Variants in PIEZO2 observed in about 807,000 individuals in gnomAD.
The protein encoded by PIEZO2 is piezo type mechanosensitive ion channel component 2, also known as piezo-type mechanosensitive ion channel component 2.
PIEZO2 carries 172 observed loss-of-function variants against 337.3 expected under a neutral mutation model. That is an observed-to-expected ratio of 0.51 (90% CI 0.45 to 0.58). PIEZO2 has a LOEUF of 0.58. Among genes scored for constraint, PIEZO2 ranks in the 20% least tolerant of loss-of-function variants. PIEZO2 has a pLI of 0.00. For synonymous variants in PIEZO2, 1,251 were observed against 1,228.5 expected, an observed-to-expected ratio of 1.02 and a Z score of -0.38; for missense variants, 3,028 against 3,391.3, an observed-to-expected ratio of 0.89 and a Z score of 2.66.
At position 11,048,732 on chromosome 18, in the gene PIEZO2, A is replaced by G. The variant is rs980763434; in HGVS notation, c.160+17395T>C. On this transcript the variant is annotated intron_variant, in intron 2 of 55. Coordinates refer to ENST00000674853, the MANE Select transcript of PIEZO2 (RefSeq NM_001378183.1). This position sits in a 1 kb window ranked among gnomAD's most constrained non-coding sequence, Gnocchi z 4.5. ...TTCTTAATTTCCTTATCTGTAAAAC[A>G]TAAATAATACTATACCTGTCTCATG... Among the ~76,000 whole-genome samples the G allele has an allele frequency of 2.6e-5, 4 of 152,234 alleles. No individual in the cohort carries two copies. Among genetic ancestry groups the G allele is most frequent in the Non-Finnish European group, 5.9e-5 (4 of 68,040 alleles).
rs2040732566 is a variant in PIEZO2, at chr18:10,828,124, T to TTA, written c.918-20851_918-20850insTA. Among the ~76,000 whole-genome samples, 2 of 137,286 alleles carry TTA rather than the reference T, an allele frequency of 1.5e-5. No individual in the cohort carries two copies. Among genetic ancestry groups the TTA allele is most frequent in the Non-Finnish European group, 3.0e-5 (2 of 66,068 alleles). 90.1% of individuals were successfully genotyped at this position (137,286 alleles called of 152,430 possible). On this transcript the variant is annotated intron_variant, in intron 7 of 55. Coordinates refer to ENST00000674853, the MANE Select transcript of PIEZO2 (RefSeq NM_001378183.1). This position sits in a 1 kb window ranked among gnomAD's most constrained non-coding sequence, Gnocchi z 4.1. ...CTCGAAATAGCATGACGGTTTTTTT[T>TTA]TGTTTGTTTGTTTTTGTTTTTTTTT...
At position 11,001,824 on chromosome 18, in the gene PIEZO2, G is replaced by C. The variant is rs953464164; in HGVS notation, c.161-22164C>G. On this transcript the variant is annotated intron_variant, in intron 2 of 55. Transcript: ENST00000674853. This position sits in a 1 kb window ranked among gnomAD's most constrained non-coding sequence, Gnocchi z 5.3. ...ACCCAGGAGGCAGAGGTTGCAGTGA[G>C]CTCAGATTGCACCACTGTACTCCAG... Among the ~76,000 whole-genome samples, 1 of 151,834 alleles carries C rather than the reference G, an allele frequency of 6.6e-6. No homozygotes were observed. Among genetic ancestry groups the C allele is most frequent in the African/African-American group, 2.4e-5 (1 of 41,298 alleles).
At chr18:11,024,551 AAAAAAAAAAAAAG>A (rs2036458292) in intron 2 of PIEZO2, among the ~76,000 whole-genome samples, 2 of 150,366 alleles carry the variant, frequency 1.3e-5, no homozygotes, top group South Asian at 4.3e-4. Context: ...GTCTCAGAAA[AAAAAAAAAAAAAG>A]AAAAAAGAAA....
At chr18:10,690,108 TAC>T (rs1295281981) in intron 48 of PIEZO2, among the ~76,000 whole-genome samples, 125 of 152,122 alleles carry the variant, frequency 8.2e-4, no homozygotes, top group East Asian at 2.9e-3. Flanking sequence ...TTGTTCATGT[TAC>T]GAGACCCTTG....
At chr18:10,755,954 AGAG>A (rs1278709627) in intron 27 of PIEZO2, among the ~76,000 whole-genome samples, 1 of 136,958 alleles carries the variant, frequency 7.3e-6, no homozygotes, top group Non-Finnish European at 1.6e-5. Context: ...TGGAGGATGA[AGAG>A]GAGAGCTAGG....
At chr18:10,742,854 T>C (rs2037281157) in intron 31 of PIEZO2, among the ~76,000 whole-genome samples, 1 of 151,954 alleles carries the variant, frequency 6.6e-6, no homozygotes, top group Non-Finnish European at 1.5e-5. Flanking sequence ...TGGCACTGCA[T>C]AGATGCCAGT....
At chr18:10,693,523 C>T (rs545800987) in intron 47 of PIEZO2, among the ~76,000 whole-genome samples, 1 of 144,110 alleles carries the variant, frequency 6.9e-6, no homozygotes, top group South Asian at 2.2e-4. Context: ...GCGCGCGACA[C>T]CACATAAGGC....
At position 11,111,432 on chromosome 18, in the gene PIEZO2, T is replaced by C. The variant is rs2039729639; in HGVS notation, c.64+37093A>G. 6.6e-6 allele frequency among the ~76,000 whole-genome samples: 1 copy of C among 152,242 alleles called. No individual in the cohort carries two copies. The highest frequency in any genetic ancestry group is 1.5e-5 in the Non-Finnish European group (1 of 68,040). On this transcript the variant is annotated intron_variant, in intron 1 of 55. Transcript: ENST00000674853. This position sits in a 1 kb window ranked among gnomAD's most constrained non-coding sequence, Gnocchi z 6.2. ...TTTCCAATTTCTTTTTAAAAAATTA[T>C]ACCATCTGGCAAAACTAGGCTCACG...
Position 10,682,159 on chromosome 18 carries a change from C to G in PIEZO2, c.7631G>C (p.Gly2544Ala), listed in dbSNP as rs1367605340. The G allele has an allele frequency of 1.3e-6, 2 of 1,537,132 alleles. No homozygotes were observed. The change falls in exon 50 of 56, where the codon GGG (glycine) becomes GCG (alanine). Residue 2544 changes from glycine (G) to alanine (A), a missense_variant. Coordinates refer to ENST00000674853, the MANE Select transcript of PIEZO2 (RefSeq NM_001378183.1). The surrounding 1 kb of genome is among the most constrained non-coding windows in gnomAD (Gnocchi z 5.6). ...LFMSLIKSVA[G>A]VINQPLDVSV... ...GACGTCCAGGGGCTGGTTGATGACC[C>G]CAGCCACAGATTTGATCAAAGACAT...
At chr18:10,994,401 T>A (rs1207658419) in intron 2 of PIEZO2, among the ~76,000 whole-genome samples, 1 of 44,906 alleles carries the variant, frequency 2.2e-5, no homozygotes, top group East Asian at 4.0e-4. Flanking sequence ...TTGTTCTTTC[T>A]TTTTTTTTTT....
In PIEZO2 at chr18:10,724,889, G is replaced by C; in HGVS notation, c.5029+6518C>G. On this transcript the variant is annotated intron_variant, in intron 36 of 55. Coordinates refer to ENST00000674853, the MANE Select transcript of PIEZO2 (RefSeq NM_001378183.1). This position sits in a 1 kb window ranked among gnomAD's most constrained non-coding sequence, Gnocchi z 5.8. ...ACCTACTCTGTAAATAGTACTGGCCGGCGGGGGCGTGGCACCCTGGGACAG... is the reference window on the plus strand; with the variant it reads ...ACCTACTCTGTAAATAGTACTGGCCCGCGGGGGCGTGGCACCCTGGGACAG... The C allele has an allele frequency of 6.2e-7, 1 of 1,609,300 alleles. No homozygotes were observed. The highest frequency in any genetic ancestry group is 8.5e-7 in the Non-Finnish European group (1 of 1,178,166).
intron 36 of PIEZO2, among the ~76,000 whole-genome samples, chr18:10,719,769 T>A (rs2036178266): frequency 6.6e-6 from 1 of 152,282 alleles, no homozygotes. Flanking sequence ...CTTTAAGAAA[T>A]CTTCATTTTT....
rs192755222 is a variant in PIEZO2, at chr18:11,140,159, G to A, written c.64+8366C>T. ...CCCAGAGCTCTTCATGGACACCTGA[G>A]GCTCCCTTCAAAAATTTTTTTCCCC... On this transcript the variant is annotated intron_variant, in intron 1 of 55. Coordinates refer to ENST00000674853, the MANE Select transcript of PIEZO2 (RefSeq NM_001378183.1). 9.7e-4 allele frequency among the ~76,000 whole-genome samples: 148 copies of A among 152,256 alleles called. 1 individual carries two copies. The highest frequency in any genetic ancestry group is 3.3e-3 in the African/African-American group (137 of 41,540).
At position 10,676,246 on chromosome 18, in the gene PIEZO2, C is replaced by T. The variant is rs181370055; in HGVS notation, c.8082-958G>A. ...CAAGGGCCCTTCAACTTTAGTGAGT[C>T]GCAAAACATATCTCAGTCTGGGAAC... On this transcript the variant is annotated intron_variant, in intron 53 of 55. Coordinates refer to ENST00000674853, the MANE Select transcript of PIEZO2 (RefSeq NM_001378183.1). This position sits in a 1 kb window ranked among gnomAD's most constrained non-coding sequence, Gnocchi z 5.1. Among the ~76,000 whole-genome samples the T allele has an allele frequency of 3.9e-5, 6 of 152,218 alleles. No individual in the cohort carries two copies. The highest frequency in any genetic ancestry group is 1.9e-4 in the East Asian group (1 of 5,186).
rs184913950 is a variant in PIEZO2 at position 10,702,829 on chromosome 18, G to A, written c.6259-658C>T. ...CAGTGCAATGTGACAAGAAAAGGGA[G>A]AGCCTCAACTTAACTTATATAGAAA... is the stretch of plus-strand genomic sequence containing the variant. On this transcript the variant is annotated intron_variant, in intron 42 of 55. Coordinates refer to ENST00000674853, the MANE Select transcript of PIEZO2 (RefSeq NM_001378183.1). Among the ~76,000 whole-genome samples, 179 of 152,300 alleles carry A rather than the reference G, an allele frequency of 1.2e-3. 1 individual carries two copies. The highest frequency in any genetic ancestry group is 6.8e-3 in the Middle Eastern group (2 of 294).
chr18:10,784,942 G>C lies in PIEZO2; in HGVS notation c.2334C>G (p.Gly778=), dbSNP rs1227039558. Residue 778 remains glycine (G), a synonymous_variant, in exon 17 of 56, where the codon GGC becomes GGG. Transcript: ENST00000674853. This position sits in a 1 kb window ranked among gnomAD's most constrained non-coding sequence, Gnocchi z 4.5. ...GTTCAGCCACAGTAAACTGCTTTAA[G>C]CCAAGATCCTCAAGCCTGCAAAACA... is the stretch of plus-strand genomic sequence containing the variant. ...GLKKEKLEDL[G]LKQFTVAELF... The C allele has an allele frequency of 4.6e-6, 7 of 1,535,852 alleles. No individual in the cohort carries two copies. The Admixed American group carries it at 1.4e-4, about 30-fold the overall frequency.
chr18:10,832,881 C>T (rs1032130944), intron 7 of PIEZO2, among the ~76,000 whole-genome samples: 2 of 152,192 alleles, frequency 1.3e-5, no homozygotes, highest in Non-Finnish European at 2.9e-5. Flanking sequence ...TCAGGTAACT[C>T]CTGTCTTCAC....
intron 2 of PIEZO2, among the ~76,000 whole-genome samples, chr18:11,055,116 C>G (rs1465759682): frequency 6.9e-6 from 1 of 145,496 alleles, no homozygotes; most frequent in African/African-American, 2.6e-5. Flanking sequence ...GAGGCTGAGG[C>G]AGGAGAATGG....
chr18:10,691,100 G>T, intron 48 of PIEZO2, 125 bp downstream of exon 48: 4 of 1,125,304 alleles, frequency 3.6e-6, no homozygotes, highest in Non-Finnish European at 5.1e-6. Flanking sequence ...AACATCGTAA[G>T]AGTTCCACAA....
Sources: gnomAD v4.1 joint callset for allele counts (sites outside exome capture counted in the v4.1 genomes callset) on GRCh38, gnomAD v4.1.1 for gene constraint, Gnocchi (gnomAD v3.1) non-coding constraint, MANE v1.5 for transcripts, NCBI Gene and HGNC (gene_info 2026-07-23, HGNC 2026-07-21) for gene names.